The following CNTN1 variants were observed in gnomAD, a reference collection of about 807,000 sequenced individuals.
CNTN1 encodes the protein contactin 1, also known as contactin-1.
A neutral mutation model predicts 126.4 loss-of-function variants in CNTN1; 38 were observed. The ratio of observed to expected loss-of-function variants is 0.30; its 90% CI spans 0.23 to 0.39. The LOEUF (loss-of-function observed/expected upper bound fraction) is 0.39, where lower values mean the gene tolerates loss of function less well. CNTN1 is among the 10% of genes least tolerant of loss of function. The pLI is 1.00. For synonymous variants in CNTN1, 413 were observed against 422.6 expected, an observed-to-expected ratio of 0.98 and a Z score of 0.28; for missense variants, 1,009 against 1,248.4, an observed-to-expected ratio of 0.81 and a Z score of 2.89.
chr12:40,871,771 A>G (rs952156807), intron 1 of CNTN1, among the ~76,000 whole-genome samples: 1 of 152,132 alleles, frequency 6.6e-6, no homozygotes, highest in African/African-American at 2.4e-5. Flanking sequence ...ATTCTAAGAT[A>G]ATTTGAATAC....
Position 40,769,588 on chromosome 12 carries a change from G to A in CNTN1, c.-77+76996G>A, listed in dbSNP as rs376858805. ...AAGAGGAAACAACCAGCAATGTGAG[G>A]GCTTATTTAGTTAGATACAGTGCAT... is the stretch of plus-strand genomic sequence containing the variant. On this transcript the variant is annotated intron_variant, in intron 1 of 23. Coordinates refer to ENST00000551295, the MANE Select transcript of CNTN1 (RefSeq NM_001843.4). 1.1e-3 allele frequency among the ~76,000 whole-genome samples: 161 copies of A among 152,090 alleles called. 3 individuals are homozygous for A. In the South Asian group the frequency reaches 0.031, roughly 29 times the overall value.
intron 1 of CNTN1, among the ~76,000 whole-genome samples, chr12:40,873,391 T>G (rs1301126055): frequency 1.3e-5 from 2 of 152,214 alleles, no homozygotes; most frequent in African/African-American, 4.8e-5. Flanking sequence ...AAAGGATAGT[T>G]ATAATCCTCC....
intron 1 of CNTN1, among the ~76,000 whole-genome samples, chr12:40,771,796 G>T (rs1258554529): frequency 1.3e-5 from 2 of 151,890 alleles, no homozygotes; most frequent in Admixed American, 6.6e-5. Context: ...TAATTATTTG[G>T]TAATACTAAT....
At chr12:41,048,454 T>G (rs1949594552) in intron 23 of CNTN1, among the ~76,000 whole-genome samples, 1 of 152,176 alleles carries the variant, frequency 6.6e-6, no homozygotes, top group Non-Finnish European at 1.5e-5. Flanking sequence ...CCATGTGACC[T>G]GCCTTTCTTT....
chr12:40,910,100 A>G lies in CNTN1; in HGVS notation c.89A>G (p.His30Arg). 2 of 1,606,418 alleles carry G rather than the reference A, an allele frequency of 1.2e-6. No individual in the cohort carries two copies. The highest frequency in any genetic ancestry group is 1.7e-6 in the Non-Finnish European group (2 of 1,173,892). ...AEFTWYRRYG[H>R]GVSEEDKGFG... ...TTTACATGGTATAGAAGATATGGTCATGGAGGTAAGTTGACCAAAGAGTAG... is the reference window on the plus strand; with the variant it reads ...TTTACATGGTATAGAAGATATGGTCGTGGAGGTAAGTTGACCAAAGAGTAG... The change falls in exon 3 of 24, where the codon CAT (histidine) becomes CGT (arginine). Residue 30 changes from histidine (H) to arginine (R), a missense_variant. His to Arg is a conservative substitution (Grantham distance 29). Transcript: ENST00000551295.
At chr12:40,731,731 G>A (rs1942505038) in intron 1 of CNTN1, among the ~76,000 whole-genome samples, 1 of 151,794 alleles carries the variant, frequency 6.6e-6, no homozygotes, top group Non-Finnish European at 1.5e-5. Flanking sequence ...ATATTAATTA[G>A]GTTGAACTGT....
intron 1 of CNTN1, among the ~76,000 whole-genome samples, chr12:40,703,811 A>AGAGG (rs1318441165): frequency 6.6e-6 from 1 of 151,384 alleles, no homozygotes; most frequent in Non-Finnish European, 1.5e-5. Flanking sequence ...GGAGAGAGAG[A>AGAGG]GAACAGAAAT....
At chr12:40,803,923 C>A (rs1940747579) in intron 1 of CNTN1, among the ~76,000 whole-genome samples, 1 of 151,878 alleles carries the variant, frequency 6.6e-6, no homozygotes, top group African/African-American at 2.4e-5. Flanking sequence ...GATCTTAATA[C>A]CTGATCACTT....
intron 1 of CNTN1, among the ~76,000 whole-genome samples, chr12:40,799,985 CT>C (rs1370298443): frequency 6.6e-6 from 1 of 151,954 alleles, no homozygotes; most frequent in African/African-American, 2.4e-5. Context: ...AAAGTTCATG[CT>C]TTTAACAATT....
chr12:41,067,446 T>G (rs1950068449), intron 23 of CNTN1, among the ~76,000 whole-genome samples: 1 of 152,010 alleles, frequency 6.6e-6, no homozygotes, highest in South Asian at 2.1e-4. Flanking sequence ...GACAGAGCAT[T>G]GTGGAGACCC....
chr12:40,947,780 TATACAC>T (rs1359107321), intron 14 of CNTN1, among the ~76,000 whole-genome samples: 52 of 67,598 alleles, frequency 7.7e-4, no homozygotes, highest in East Asian at 1.7e-3. Flanking sequence ...TATATATATA[TATACAC>T]ACACACACAC....
Position 40,717,377 on chromosome 12 carries a change from C to G in CNTN1, c.-77+24785C>G, listed in dbSNP as rs1942075909. Among the ~76,000 whole-genome samples, 4 of 152,226 alleles carry G rather than the reference C, an allele frequency of 2.6e-5. No individual in the cohort carries two copies. The South Asian group carries it at 8.3e-4, about 32-fold the overall frequency. On this transcript the variant is annotated intron_variant, in intron 1 of 23. Transcript: ENST00000551295. ...CCATTAAACTCAACTAAAATGAACA[C>G]TGAGCTACTTTTCACATAAAGGGCT... is the stretch of plus-strand genomic sequence containing the variant.
intron 1 of CNTN1, among the ~76,000 whole-genome samples, chr12:40,827,554 T>A (rs1941655677): frequency 6.6e-6 from 1 of 152,210 alleles, no homozygotes; most frequent in African/African-American, 2.4e-5. Flanking sequence ...TATATCTCAC[T>A]TATAATGTAA....
intron 1 of CNTN1, among the ~76,000 whole-genome samples, chr12:40,732,483 G>C (rs1942524749): frequency 6.6e-6 from 1 of 151,948 alleles, no homozygotes. Flanking sequence ...AATATTTGAA[G>C]ATGTCAAATA....
At chr12:40,901,765 G>A (rs11178962) in intron 1 of CNTN1, among the ~76,000 whole-genome samples, 35,774 of 152,184 alleles carry the variant, frequency 0.24, 4,738 homozygotes, top group South Asian at 0.35. Context: ...AGAAAAGGGG[G>A]TATTCTCCTT....
chr12:41,039,703 A>G (rs1193729324), intron 23 of CNTN1, among the ~76,000 whole-genome samples: 1 of 152,118 alleles, frequency 6.6e-6, no homozygotes, highest in Non-Finnish European at 1.5e-5. Flanking sequence ...TTTATTTGCA[A>G]TGCATACCAG....
At chr12:40,894,789 A>G (rs1483760947) in intron 1 of CNTN1, among the ~76,000 whole-genome samples, 1 of 152,192 alleles carries the variant, frequency 6.6e-6, no homozygotes, top group Non-Finnish European at 1.5e-5. Flanking sequence ...TCTATGAAAT[A>G]AAAATATTTC....
chr12:40,792,243 C>T (rs1940246219), intron 1 of CNTN1, among the ~76,000 whole-genome samples: 2 of 151,982 alleles, frequency 1.3e-5, no homozygotes, highest in African/African-American at 4.8e-5. Context: ...TCAGCTCCTC[C>T]ACCCACTTTT....
At chr12:40,898,360 C>G (rs565240441) in intron 1 of CNTN1, among the ~76,000 whole-genome samples, 45 of 152,092 alleles carry the variant, frequency 3.0e-4, no homozygotes, top group Middle Eastern at 3.4e-3. Context: ...CATTCATCTT[C>G]CCTTATAGGA....
Sources: gnomAD v4.1 joint callset for allele counts (sites outside exome capture counted in the v4.1 genomes callset) on GRCh38, gnomAD v4.1.1 for gene constraint, MANE v1.5 for transcripts, NCBI Gene and HGNC (gene_info 2026-07-23, HGNC 2026-07-21) for gene names.